Variants in MGAT4C observed in about 807,000 individuals in gnomAD.
MGAT4C encodes MGAT4 family member C.
In MGAT4C, 19 loss-of-function variants were observed where a neutral mutation model predicts 40.1. The ratio of observed to expected loss-of-function variants is 0.47; its 90% confidence interval spans 0.33 to 0.70. The LOEUF (loss-of-function observed/expected upper bound fraction) is 0.70, where lower values mean the gene tolerates loss of function less well. MGAT4C is among the 30% of genes least tolerant of loss of function. The probability of loss-of-function intolerance (pLI) is 0.02; values close to 1 mark genes in which losing one functional copy is unlikely to be tolerated. For missense variants in MGAT4C, 491 were observed against 563.2 expected (o/e 0.87, Z 1.30); for synonymous variants, 181 against 187.1 (o/e 0.97, Z 0.27).
chr12:86,823,903 G>T (rs940264651), intron 1 of MGAT4C, among the ~76,000 whole-genome samples: 1 of 151,338 alleles, frequency 6.6e-6, no homozygotes, highest in Non-Finnish European at 1.5e-5. Context: ...AAAACTAATA[G>T]GTTTAAAAAG....
chr12:86,109,614 C>T (rs2135632871), intron 1 of MGAT4C, among the ~76,000 whole-genome samples: 1 of 151,842 alleles, frequency 6.6e-6, no homozygotes, highest in South Asian at 2.1e-4. Context: ...GGGATGATAA[C>T]TGTTTACAAG....
At chr12:86,140,339 CCTTTG>C (rs1365675881) in intron 1 of MGAT4C, among the ~76,000 whole-genome samples, 2 of 152,122 alleles carry the variant, frequency 1.3e-5, no homozygotes, top group Non-Finnish European at 2.9e-5. Flanking sequence ...GCCCCTATGT[CCTTTG>C]CAGGGACATG....
rs370874447 is a variant in MGAT4C at position 86,764,781 on chromosome 12, T to A, written c.-261-37540A>T. On this transcript the variant is annotated intron_variant, in intron 1 of 7. Coordinates refer to the MGAT4C transcript ENST00000548651. ...GGTCTGGAGTGGACCTCTAGCAAAC[T>A]CCAACAGACATGCAGCTGACGGTCC... Among the ~76,000 whole-genome samples, 252 of 152,002 alleles carry A rather than the reference T, an allele frequency of 1.7e-3. 10 individuals carry two copies. In the South Asian group the frequency reaches 0.051, roughly 31 times the overall value.
chr12:86,626,171 T>G (rs2136496254), intron 2 of MGAT4C, among the ~76,000 whole-genome samples: 1 of 152,298 alleles, frequency 6.6e-6, no homozygotes, highest in African/African-American at 2.4e-5. Flanking sequence ...GAATTAAAAT[T>G]TTTACACAAT....
At chr12:86,727,932 C>G (rs1248434988) in intron 1 of MGAT4C, among the ~76,000 whole-genome samples, 1 of 151,940 alleles carries the variant, frequency 6.6e-6, no homozygotes, top group African/African-American at 2.4e-5. Context: ...ATTCTCAATC[C>G]TCATGCAATT....
At chr12:86,276,861 A>G (rs1468851876) in intron 4 of MGAT4C, among the ~76,000 whole-genome samples, 1 of 152,182 alleles carries the variant, frequency 6.6e-6, no homozygotes, top group Non-Finnish European at 1.5e-5. Context: ...TTCCCTCCAA[A>G]TCTTGGCTAT....
intron 2 of MGAT4C, among the ~76,000 whole-genome samples, chr12:86,675,366 T>C (rs1212497908): frequency 6.6e-6 from 1 of 152,208 alleles, no homozygotes; most frequent in East Asian, 1.9e-4. Flanking sequence ...ACATCCATTT[T>C]CACATCCTGT....
chr12:86,146,153 A>T (rs190187951), intron 1 of MGAT4C, among the ~76,000 whole-genome samples: 1 of 152,164 alleles, frequency 6.6e-6, no homozygotes, highest in Middle Eastern at 3.2e-3. Context: ...TTTGTTTTCT[A>T]TGATCCGAAG....
intron 2 of MGAT4C, among the ~76,000 whole-genome samples, chr12:86,673,544 A>G (rs1395092371): frequency 6.6e-6 from 1 of 152,174 alleles, no homozygotes; most frequent in African/African-American, 2.4e-5. Flanking sequence ...GCATTTTAAT[A>G]TATGCATAAC....
At chr12:86,430,209 A>G (rs1427318356) in intron 3 of MGAT4C, among the ~76,000 whole-genome samples, 2 of 152,132 alleles carry the variant, frequency 1.3e-5, no homozygotes, top group African/African-American at 4.8e-5. Flanking sequence ...ACTCCATGCA[A>G]CATCTTTTTT....
chr12:86,512,949 A>T (rs1052078864), intron 2 of MGAT4C, among the ~76,000 whole-genome samples: 3 of 152,196 alleles, frequency 2.0e-5, no homozygotes, highest in Admixed American at 6.5e-5. Context: ...CTAATAAAAA[A>T]TAATGAGAAA....
intron 2 of MGAT4C, among the ~76,000 whole-genome samples, chr12:86,696,240 T>C (rs937656633): frequency 6.6e-6 from 1 of 151,966 alleles, no homozygotes; most frequent in African/African-American, 2.4e-5. Context: ...AATTGGATTG[T>C]TTGTAGCACA....
intron 2 of MGAT4C, among the ~76,000 whole-genome samples, chr12:86,448,998 C>G (rs944195976): frequency 2.1e-4 from 32 of 152,118 alleles, no homozygotes; most frequent in African/African-American, 7.5e-4. Flanking sequence ...TACAGATGTT[C>G]AGCTATAAGC....
At chr12:86,788,479 AACTTCTCT>A (rs1483777861) in intron 1 of MGAT4C, among the ~76,000 whole-genome samples, 1 of 151,966 alleles carries the variant, frequency 6.6e-6, no homozygotes, top group East Asian at 1.9e-4. Flanking sequence ...CATTTCTACA[AACTTCTCT>A]ACTTCCTGTC....
At chr12:86,742,365 T>C (rs1488787365) in intron 1 of MGAT4C, among the ~76,000 whole-genome samples, 2 of 151,590 alleles carry the variant, frequency 1.3e-5, no homozygotes, top group African/African-American at 4.8e-5. Context: ...TAAGCATGGC[T>C]CTTTAACTTG....
chr12:86,375,886 C>T (rs541843974), intron 3 of MGAT4C, among the ~76,000 whole-genome samples: 11 of 151,914 alleles, frequency 7.2e-5, no homozygotes, highest in Middle Eastern at 3.4e-3. Flanking sequence ...GACTATACAA[C>T]GCATAATATT....
intron 2 of MGAT4C, among the ~76,000 whole-genome samples, chr12:86,461,198 C>A (rs1957593692): frequency 6.6e-6 from 1 of 151,198 alleles, no homozygotes; most frequent in South Asian, 2.1e-4. Flanking sequence ...TGTAGGGAAG[C>A]CAAATAAAGC....
intron 2 of MGAT4C, among the ~76,000 whole-genome samples, chr12:86,461,094 T>C (rs1451412599): frequency 2.0e-5 from 3 of 152,108 alleles, no homozygotes; most frequent in Non-Finnish European, 4.4e-5. Context: ...CTCAAAGCCA[T>C]TCAAGTGTTT....
chr12:86,474,660 C>T (rs1957806326), intron 2 of MGAT4C, among the ~76,000 whole-genome samples: 1 of 151,966 alleles, frequency 6.6e-6, no homozygotes, highest in Admixed American at 6.6e-5. Context: ...GACAAGGATT[C>T]ATACTCTGGC....
Sources: allele counts gnomAD v4.1 joint callset (sites outside exome capture counted in the v4.1 genomes callset), GRCh38; gene constraint gnomAD v4.1.1; transcripts MANE v1.5; gene names NCBI Gene and HGNC (gene_info 2026-07-23, HGNC 2026-07-21).